RIMBP2: variants seen among roughly 807,000 people sequenced by gnomAD.
RIMBP2 encodes RIMS-binding protein 2.
Under a neutral mutation model 118.6 loss-of-function variants are expected in RIMBP2, and 48 were observed. That is an observed-to-expected ratio of 0.40 (90% confidence interval 0.32 to 0.51). The LOEUF (loss-of-function observed/expected upper bound fraction) is 0.51. Among genes scored for constraint, RIMBP2 ranks in the 20% least tolerant of loss-of-function variants. The probability of loss-of-function intolerance (pLI) is 0.41; values close to 1 mark genes in which losing one functional copy is unlikely to be tolerated. For synonymous variants in RIMBP2, 762 were observed against 742.9 expected, an observed-to-expected ratio of 1.03 and a Z score of -0.42; for missense variants, 1,551 against 1,768.3, an observed-to-expected ratio of 0.88 and a Z score of 2.20.
At chr12:130,690,297 G>C (rs2065255425) in intron 1 of RIMBP2, among the ~76,000 whole-genome samples, 1 of 152,178 alleles carries the variant, frequency 6.6e-6, no homozygotes, top group African/African-American at 2.4e-5. Context: ...CCCATCCACA[G>C]GCTCCAGAGA....
At position 130,678,214 on chromosome 12, in the gene RIMBP2, G is replaced by A. The variant is rs112728924; in HGVS notation, c.-352+38008C>T. 3.6e-3 allele frequency among the ~76,000 whole-genome samples: 541 copies of A among 152,310 alleles called. 3 individuals are homozygous for A. Among genetic ancestry groups the A allele is most frequent in the African/African-American group, 0.012 (518 of 41,556 alleles). On this transcript the variant is annotated intron_variant, in intron 1 of 22. Coordinates refer to ENST00000690449, the MANE Select transcript of RIMBP2 (RefSeq NM_001393629.1). ...GCCTCCTGAGAGCAGAGGGCCTGGT[G>A]CCACCCACACTCTCTAAGAAGGCTG...
chr12:130,544,332 T>C (rs2054898409), intron 2 of RIMBP2, among the ~76,000 whole-genome samples: 1 of 152,190 alleles, frequency 6.6e-6, no homozygotes, highest in Admixed American at 6.5e-5. Context: ...TGGGAAGCAC[T>C]CTCTGCTGCT....
chr12:130,413,520 C>G (rs980134183), intron 18 of RIMBP2, among the ~76,000 whole-genome samples: 5 of 151,598 alleles, frequency 3.3e-5, no homozygotes, highest in Admixed American at 2.0e-4. Flanking sequence ...GTGTTCCCAG[C>G]TACTCGGGAG....
chr12:130,600,631 T>A (rs2059821346), intron 2 of RIMBP2, among the ~76,000 whole-genome samples: 1 of 152,138 alleles, frequency 6.6e-6, no homozygotes, highest in South Asian at 2.1e-4. Context: ...GCTGGAAGGA[T>A]GTCAGCCCCA....
chr12:130,686,152 C>A (rs923199942), intron 1 of RIMBP2, among the ~76,000 whole-genome samples: 1 of 152,202 alleles, frequency 6.6e-6, no homozygotes, highest in African/African-American at 2.4e-5. Flanking sequence ...CTGGCAGTCA[C>A]GGCCAGAGCC....
At chr12:130,649,767 T>C (rs1211521595) in intron 1 of RIMBP2, among the ~76,000 whole-genome samples, 2 of 152,002 alleles carry the variant, frequency 1.3e-5, no homozygotes, top group Non-Finnish European at 2.9e-5. Context: ...GCTCACAGTT[T>C]CACCAAGACA....
rs555659301 is a variant in RIMBP2 at position 130,640,711 on chromosome 12, G to A, written c.-351-12255C>T. On this transcript the variant is annotated intron_variant, in intron 1 of 22. Transcript: ENST00000690449. ...GGTCCTACAGCTTGAAAGACAAGGC[G>A]TGGGGATTTGGACGTCGGCATCTGG... Among the ~76,000 whole-genome samples the A allele has an allele frequency of 1.8e-4, 27 of 152,322 alleles. 1 individual carries two copies. In the South Asian group the frequency reaches 5.4e-3, roughly 30 times the overall value.
At chr12:130,537,832 G>A (rs934246051) in intron 2 of RIMBP2, among the ~76,000 whole-genome samples, 1 of 152,206 alleles carries the variant, frequency 6.6e-6, no homozygotes, top group African/African-American at 2.4e-5. Flanking sequence ...CATTAGAGAG[G>A]CTATGTCAGC....
At chr12:130,506,110 T>A (rs974669821) in intron 4 of RIMBP2, among the ~76,000 whole-genome samples, 7 of 151,902 alleles carry the variant, frequency 4.6e-5, no homozygotes, top group Non-Finnish European at 7.4e-5. Flanking sequence ...GGTGAAAAAA[T>A]TCATTCAGCT....
chr12:130,627,282 G>A (rs1234968337), intron 2 of RIMBP2, among the ~76,000 whole-genome samples: 2 of 152,258 alleles, frequency 1.3e-5, no homozygotes, highest in African/African-American at 4.8e-5. Flanking sequence ...TCAAATGCAG[G>A]TGGAACAGTC....
chr12:130,571,091 G>T (rs1593845448), intron 2 of RIMBP2, among the ~76,000 whole-genome samples: 3 of 152,106 alleles, frequency 2.0e-5, no homozygotes, highest in Non-Finnish European at 2.9e-5. Flanking sequence ...GCACTTGAGG[G>T]AAGGGGCTAA....
Position 130,525,026 on chromosome 12 carries a change from A to T in RIMBP2, c.-216-7109T>A, listed in dbSNP as rs1315774079. 6.6e-6 allele frequency among the ~76,000 whole-genome samples: 1 copy of T among 152,186 alleles called. No homozygotes were observed. Among genetic ancestry groups the T allele is most frequent in the Non-Finnish European group, 1.5e-5 (1 of 68,024 alleles). ...CCACATGGCCCAGAGCTCAGGAAGG[A>T]GAGCCTGACCCAGACCCAGATGTGA... On this transcript the variant is annotated intron_variant, in intron 2 of 22. Transcript: ENST00000690449. The surrounding 1 kb of genome is among the most constrained non-coding windows in gnomAD (Gnocchi z 4.4).
At chr12:130,551,131 C>T (rs11060989) in intron 2 of RIMBP2, among the ~76,000 whole-genome samples, 1,757 of 152,282 alleles carry the variant, frequency 0.012, 14 homozygotes, top group East Asian at 0.052. Flanking sequence ...TGACCTAACT[C>T]TCAGAAGATT....
intron 2 of RIMBP2, among the ~76,000 whole-genome samples, chr12:130,521,638 A>T (rs972032871): frequency 2.0e-5 from 3 of 152,154 alleles, no homozygotes; most frequent in Admixed American, 6.5e-5. Flanking sequence ...GTCGAGTGTG[A>T]TGCCTCATGC....
chr12:130,627,566 C>T (rs1307790355), intron 2 of RIMBP2, among the ~76,000 whole-genome samples: 1 of 152,196 alleles, frequency 6.6e-6, no homozygotes. Flanking sequence ...GTAACTCAAA[C>T]TCAAAACTGG....
chr12:130,434,609 G>T lies in RIMBP2; in HGVS notation c.2253+125C>A. 2 of 1,002,772 alleles carry T rather than the reference G, an allele frequency of 2.0e-6. No homozygotes were observed. The highest frequency in any genetic ancestry group is 2.9e-6 in the Non-Finnish European group (2 of 698,576). 62.1% of individuals were successfully genotyped at this position (1,002,772 alleles called of 1,614,324 possible). On this transcript the variant is annotated intron_variant, in intron 14 of 22. Coordinates refer to ENST00000690449, the MANE Select transcript of RIMBP2 (RefSeq NM_001393629.1). This position sits in a 1 kb window ranked among gnomAD's most constrained non-coding sequence, Gnocchi z 5.7. ...TAGCACGACTTAGGACCCCAGCTGGGCGTCTCCATCTCTCTCAGGGACCCA... is the reference window on the plus strand; with the variant it reads ...TAGCACGACTTAGGACCCCAGCTGGTCGTCTCCATCTCTCTCAGGGACCCA...
At chr12:130,498,367 G>A (rs909824662) in intron 4 of RIMBP2, among the ~76,000 whole-genome samples, 10 of 152,222 alleles carry the variant, frequency 6.6e-5, no homozygotes, top group Non-Finnish European at 1.2e-4. Context: ...AGTATTTATC[G>A]AGTGTCTACT....
chr12:130,598,837 T>C (rs2059705658), intron 2 of RIMBP2, among the ~76,000 whole-genome samples: 1 of 152,002 alleles, frequency 6.6e-6, no homozygotes, highest in African/African-American at 2.4e-5. Flanking sequence ...TGAAAAAGAA[T>C]AGAGATCCCA....
At position 130,595,042 on chromosome 12, in the gene RIMBP2, A is replaced by G. The variant is rs570408931; in HGVS notation, c.-217+33280T>C. Among the ~76,000 whole-genome samples the G allele has an allele frequency of 3.2e-4, 48 of 152,354 alleles. No individual in the cohort carries two copies. The South Asian group carries it at 6.0e-3, about 19-fold the overall frequency. On this transcript the variant is annotated intron_variant, in intron 2 of 22. Coordinates refer to ENST00000690449, the MANE Select transcript of RIMBP2 (RefSeq NM_001393629.1). ...CTTCGTTATTAAGGCCATTAAATCT[A>G]TAAGATTGGCACTAGCAGATATTAC... is the stretch of plus-strand genomic sequence containing the variant.
Sources: allele counts gnomAD v4.1 joint callset (sites outside exome capture counted in the v4.1 genomes callset), GRCh38; gene constraint gnomAD v4.1.1; non-coding constraint Gnocchi (gnomAD v3.1); transcripts MANE v1.5; gene names NCBI Gene and HGNC (gene_info 2026-07-23, HGNC 2026-07-21).